Variants in PIK3C2G observed in about 807,000 individuals in gnomAD.
PIK3C2G encodes the protein phosphatidylinositol 3-kinase C2 domain-containing subunit gamma.
In PIK3C2G, 168 loss-of-function variants were observed where a neutral mutation model predicts 181.1. The observed-to-expected ratio is 0.93, with a 90% CI of 0.82 to 1.05. The LOEUF is 1.05. Among genes scored for constraint, PIK3C2G ranks in the 50% least tolerant of loss-of-function variants. The probability of loss-of-function intolerance (pLI) is 0.00; values close to 1 mark genes in which losing one functional copy is unlikely to be tolerated. For missense variants in PIK3C2G, 1,869 were observed against 1,732.8 expected, an observed-to-expected ratio of 1.08 and a Z score of -1.40; for synonymous variants, 573 against 592.2, an observed-to-expected ratio of 0.97 and a Z score of 0.47.
chr12:18,399,812 T>C lies in PIK3C2G; in HGVS notation c.2280T>C (p.Ser760=), dbSNP rs1460683007. The part of the protein sequence containing the change: ...MHTILRRWTF[S]QPLEALGLLT... ...CCATTTTGAGAAGATGGACATTTTC[T>C]CAACCTTTAGAGGCTCTTGGGCTTT... Residue 760 remains serine, a synonymous_variant, in exon 16 of 33, where the codon TCT becomes TCC. Transcript: ENST00000538779. 2.5e-6 allele frequency: 4 copies of C among 1,602,888 alleles called. No individual in the cohort carries two copies. Among genetic ancestry groups the C allele is most frequent in the East Asian group, 2.2e-5 (1 of 44,790 alleles).
chr12:18,434,438 TCATAGAATCATAGAAAGAGAATCATAG>T (rs1176525643), intron 18 of PIK3C2G, among the ~76,000 whole-genome samples: 149 of 152,192 alleles, frequency 9.8e-4, no homozygotes, highest in Non-Finnish European at 1.1e-3. Context: ...TAGCATATAA[TCATAGAATCATAGAAAGAGAATCATAG>T]CATAGAATCA....
At chr12:18,270,116 G>A (rs542996310) in intron 1 of PIK3C2G, among the ~76,000 whole-genome samples, 15 of 151,618 alleles carry the variant, frequency 9.9e-5, no homozygotes, top group Admixed American at 4.6e-4. Context: ...CACCACGTTC[G>A]TCAGGCTAGT....
intron 14 of PIK3C2G, among the ~76,000 whole-genome samples, chr12:18,386,455 A>C (rs907295351): frequency 5.3e-5 from 8 of 152,064 alleles, no homozygotes; most frequent in Non-Finnish European, 7.4e-5. Flanking sequence ...CTATTCCCCC[A>C]ATCCTAAGCA....
At chr12:18,420,915 T>C (rs1945446069) in intron 16 of PIK3C2G, 26 bp from the exon 17 acceptor site, 3 of 1,201,140 alleles carry the variant, frequency 2.5e-6, no homozygotes, top group Non-Finnish European at 3.7e-6. Flanking sequence ...ATTAACAGCT[T>C]AGTGGATATA....
the PIK3C2G span, among the ~76,000 whole-genome samples, chr12:18,677,460 G>A: frequency 2.0e-5 from 3 of 152,040 alleles, no homozygotes; most frequent in Non-Finnish European, 2.9e-5. Flanking sequence ...TGGTTAGAAG[G>A]CAGACTGCTT....
intron 12 of PIK3C2G, among the ~76,000 whole-genome samples, chr12:18,365,575 GCTGA>G (rs918986972): frequency 6.6e-6 from 1 of 152,044 alleles, no homozygotes; most frequent in Non-Finnish European, 1.5e-5. Flanking sequence ...TTTCCACATG[GCTGA>G]CTCTTACCTC....
chr12:18,446,340 T>G (rs573499680), intron 18 of PIK3C2G, among the ~76,000 whole-genome samples: 18 of 152,114 alleles, frequency 1.2e-4, no homozygotes, highest in Admixed American at 3.9e-4. Flanking sequence ...GATAAGCCAA[T>G]TGGCAGTCTC....
intron 11 of PIK3C2G, among the ~76,000 whole-genome samples, chr12:18,362,112 T>C (rs1419569924): frequency 6.6e-6 from 1 of 152,128 alleles, no homozygotes. Context: ...AATCAACTCT[T>C]TTCCTACCCA....
the PIK3C2G span, chr12:18,701,814 C>A: frequency 6.4e-7 from 1 of 1,567,264 alleles, no homozygotes; most frequent in Non-Finnish European, 8.6e-7. Flanking sequence ...TACACATTTA[C>A]AAGTAAATTT....
In PIK3C2G at chr12:18,286,867, G is replaced by T. The variant is rs1160143134; in HGVS notation, c.699G>T (p.Gln233His). ...KNIESIGCSIQLVEVPQSSNT... is the reference protein window; with the variant it reads ...KNIESIGCSIHLVEVPQSSNT... ...TTAAGTCAATAGGTTGTTCCATTCA[G>T]CTAGTGGAAGTACCTCAAAGCAGCA... The change falls in exon 3 of 33, where the codon CAG (glutamine) becomes CAT (histidine). Residue 233 changes from glutamine to histidine, a missense_variant. By Grantham distance (24) the Gln-to-His change is conservative. Transcript: ENST00000538779. The T allele has an allele frequency of 2.6e-6, 4 of 1,561,376 alleles. No individual in the cohort carries two copies. The highest frequency in any genetic ancestry group is 1.4e-5 in the African/African-American group (1 of 73,322).
intron 31 of PIK3C2G, among the ~76,000 whole-genome samples, chr12:18,626,740 T>G (rs1200287180): frequency 6.6e-6 from 1 of 152,026 alleles, no homozygotes; most frequent in Admixed American, 6.6e-5. Context: ...CATCCCACTC[T>G]CTCTCCTGGA....
At chr12:18,435,041 G>A (rs1201789100) in intron 18 of PIK3C2G, among the ~76,000 whole-genome samples, 2 of 150,966 alleles carry the variant, frequency 1.3e-5, no homozygotes, top group Non-Finnish European at 2.9e-5. Flanking sequence ...TGTAGCCATG[G>A]TATACGACTG....
chr12:18,532,891 T>G (rs942444311), intron 24 of PIK3C2G, among the ~76,000 whole-genome samples: 6 of 151,748 alleles, frequency 4.0e-5, no homozygotes, highest in Non-Finnish European at 5.9e-5. Flanking sequence ...CTGTTTTTTT[T>G]TTTTTTTTTT....
At chr12:18,334,109 T>G (rs1036352589) in intron 8 of PIK3C2G, among the ~76,000 whole-genome samples, 1 of 152,172 alleles carries the variant, frequency 6.6e-6, no homozygotes, top group African/African-American at 2.4e-5. Context: ...AATAACATCA[T>G]AGTGCTGTTT....
the PIK3C2G span, chr12:18,683,104 A>T: frequency 1.3e-6 from 1 of 775,314 alleles, no homozygotes. Context: ...GTATATTTTT[A>T]AGTGAATGGG....
chr12:18,650,704 G>C (rs796648452), downstream of PIK3C2G, among the ~76,000 whole-genome samples: 10 of 57,784 alleles, frequency 1.7e-4, no homozygotes, highest in East Asian at 1.3e-3. Context: ...GTGTGTGTGT[G>C]TATATATCTA....
At chr12:18,595,816 A>G (rs1184181099) in intron 30 of PIK3C2G, among the ~76,000 whole-genome samples, 1 of 152,130 alleles carries the variant, frequency 6.6e-6, no homozygotes, top group South Asian at 2.1e-4. Flanking sequence ...TTTATTTTGC[A>G]CTGAGCCCCA....
At chr12:18,686,430 G>A in the PIK3C2G span, among the ~76,000 whole-genome samples, 3 of 151,876 alleles carry the variant, frequency 2.0e-5, no homozygotes, top group Non-Finnish European at 2.9e-5. Context: ...TCTTTCTTAA[G>A]CACCCTATAT....
intron 11 of PIK3C2G, among the ~76,000 whole-genome samples, chr12:18,357,573 A>G (rs1940863987): frequency 6.6e-6 from 1 of 152,200 alleles, no homozygotes; most frequent in African/African-American, 2.4e-5. Context: ...ACAAAAATCT[A>G]GTGCTAAATA....
Sources: allele counts gnomAD v4.1 joint callset (sites outside exome capture counted in the v4.1 genomes callset), GRCh38; gene constraint gnomAD v4.1.1; transcripts MANE v1.5; gene names NCBI Gene and HGNC (gene_info 2026-07-23, HGNC 2026-07-21).